Variants in WDPCP observed in about 807,000 individuals in gnomAD.
The protein encoded by WDPCP is WD repeat containing planar cell polarity effector.
Under a neutral mutation model 93.1 loss-of-function variants are expected in WDPCP, and 71 were observed. That is an observed-to-expected ratio of 0.76 (90% CI 0.63 to 0.93). The LOEUF is 0.93. Ranked by LOEUF, WDPCP falls within the 40% of genes least tolerant of loss-of-function variation. The pLI is 0.00. For missense variants in WDPCP, 844 were observed against 887.4 expected, an observed-to-expected ratio of 0.95 and a Z score of 0.62; for synonymous variants, 315 against 315.0, an observed-to-expected ratio of 1.00 and a Z score of 0.00.
At chr2:63,619,569 T>C (rs1709710089) in intron 3 of WDPCP, among the ~76,000 whole-genome samples, 1 of 152,206 alleles carries the variant, frequency 6.6e-6, no homozygotes, top group Admixed American at 6.5e-5. Flanking sequence ...TTTTACTAGA[T>C]TGTAAGCACC....
intron 12 of WDPCP, among the ~76,000 whole-genome samples, chr2:63,345,430 G>A (rs556438482): frequency 6.6e-6 from 1 of 152,292 alleles, no homozygotes; most frequent in African/African-American, 2.4e-5. Context: ...ACACAGATAG[G>A]CAAGTCTCAC....
At chr2:63,442,314 T>C (rs546672461) in intron 6 of WDPCP, 1 of 152,302 alleles carries the variant, frequency 6.6e-6, no homozygotes, top group South Asian at 2.1e-4. Context: ...GAGGATTAAA[T>C]AACTTTTTAC....
chr2:63,157,094 A>G (rs561545677), intron 15 of WDPCP, among the ~76,000 whole-genome samples: 54 of 149,732 alleles, frequency 3.6e-4, no homozygotes, highest in Non-Finnish European at 6.8e-4. Flanking sequence ...TTTGTCAGAC[A>G]TGCGTTTTGT....
intron 2 of WDPCP, among the ~76,000 whole-genome samples, chr2:63,800,771 G>A (rs1670683020): frequency 6.6e-6 from 1 of 152,176 alleles, no homozygotes; most frequent in African/African-American, 2.4e-5. Context: ...ATAGCAAACA[G>A]GCCAGGCATC....
At chr2:63,745,718 A>G (rs747612236) in intron 2 of WDPCP, among the ~76,000 whole-genome samples, 9 of 152,080 alleles carry the variant, frequency 5.9e-5, no homozygotes, top group Non-Finnish European at 1.2e-4. Context: ...CTTGACTAAT[A>G]TAGGGGCTAT....
chr2:63,599,358 A>ATCTTGTGGTTGTTCAACTTT, intron 3 of WDPCP: 1 of 1,510,068 alleles, frequency 6.6e-7, no homozygotes, highest in Non-Finnish European at 9.0e-7. Context: ...TCACTTTTAA[A>ATCTTGTGGTTGTTCAACTTT]ATAACTGAAT....
chr2:63,216,948 T>C (rs1677409468), intron 14 of WDPCP, among the ~76,000 whole-genome samples: 1 of 152,196 alleles, frequency 6.6e-6, no homozygotes, highest in Non-Finnish European at 1.5e-5. Flanking sequence ...CTTCCAATAA[T>C]TATTCTGGCA....
intron 17 of WDPCP, among the ~76,000 whole-genome samples, chr2:63,151,835 G>A (rs936427567): frequency 6.6e-6 from 1 of 152,106 alleles, no homozygotes; most frequent in Non-Finnish European, 1.5e-5. Context: ...TAAAAATCCC[G>A]TGGAGTGTGT....
intron 1 of WDPCP, among the ~76,000 whole-genome samples, chr2:63,559,573 A>C (rs34867367): frequency 6.6e-6 from 1 of 152,194 alleles, no homozygotes; most frequent in Non-Finnish European, 1.5e-5. Context: ...ACTTCTGCAA[A>C]GTTTCAAGAT....
chr2:63,691,911 T>C lies in WDPCP; in HGVS notation n.309-41073A>G, dbSNP rs538033257. On this transcript the variant is annotated intron_variant and non_coding_transcript_variant, in intron 2 of 4. Coordinates refer to the WDPCP transcript ENST00000467687. ...GTGTGTGTGTGTGTGTGTGTGTGTG[T>C]GTATTTTTCTATTCTATTAGCAGGA... 7.3e-5 allele frequency among the ~76,000 whole-genome samples: 11 copies of C among 151,338 alleles called. No individual in the cohort carries two copies. The South Asian group carries it at 2.1e-3, about 29-fold the overall frequency.
rs187548225 is a variant in WDPCP at position 63,224,215 on chromosome 2, T to C, written c.1915+35092A>G. Among the ~76,000 whole-genome samples, 4 of 152,154 alleles carry C rather than the reference T, an allele frequency of 2.6e-5. 1 individual carries two copies. Among genetic ancestry groups the C allele is most frequent in the Admixed American group, 2.0e-4 (3 of 15,244 alleles). On this transcript the variant is annotated intron_variant, in intron 14 of 17. Coordinates refer to ENST00000272321, the MANE Select transcript of WDPCP (RefSeq NM_015910.7). The stretch of plus-strand genomic sequence containing the variant: ...ACAAGGAGATATGACTACACACCTA[T>C]TGGGATGGCCAAAATCTAGCACACT...
At chr2:63,608,505 CAT>C (rs1709578364) in intron 3 of WDPCP, among the ~76,000 whole-genome samples, 2 of 152,244 alleles carry the variant, frequency 1.3e-5, no homozygotes, top group East Asian at 1.9e-4. Flanking sequence ...CCAGGCCTAA[CAT>C]AGTACTCTTC....
At chr2:63,239,036 T>C (rs141847525) in intron 14 of WDPCP, among the ~76,000 whole-genome samples, 21 of 152,310 alleles carry the variant, frequency 1.4e-4, no homozygotes, top group Non-Finnish European at 2.6e-4. Flanking sequence ...CATGAGGCCG[T>C]AGAATACAGC....
intron 1 of WDPCP, among the ~76,000 whole-genome samples, chr2:63,522,789 T>G (rs1703042871): frequency 6.6e-6 from 1 of 152,148 alleles, no homozygotes; most frequent in East Asian, 1.9e-4. Flanking sequence ...GAAAGACCAA[T>G]AAGTAGTTTC....
At chr2:63,355,669 C>T (rs1689965728) in intron 12 of WDPCP, among the ~76,000 whole-genome samples, 1 of 152,106 alleles carries the variant, frequency 6.6e-6, no homozygotes, top group Non-Finnish European at 1.5e-5. Context: ...CACTTGAGGT[C>T]AGGAATTCAA....
intron 13 of WDPCP, among the ~76,000 whole-genome samples, chr2:63,281,009 A>G (rs1040609314): frequency 1.3e-4 from 20 of 152,202 alleles, no homozygotes; most frequent in African/African-American, 4.8e-4. Flanking sequence ...GTTTTTCTGC[A>G]CTGGAAAAGA....
At chr2:63,590,477 T>C (rs372660414), upstream of WDPCP, 4 of 152,174 alleles carry the variant, frequency 2.6e-5, no homozygotes, top group African/African-American at 9.7e-5. Context: ...TTTTACTAGC[T>C]GAGATTCCGG....
chr2:63,802,424 T>C (rs187909079), intron 2 of WDPCP, among the ~76,000 whole-genome samples: 6 of 151,616 alleles, frequency 4.0e-5, no homozygotes, highest in South Asian at 2.1e-4. Flanking sequence ...CAAACACCAT[T>C]TACACTATTT....
intron 2 of WDPCP, among the ~76,000 whole-genome samples, chr2:63,742,153 G>A (rs1669726983): frequency 2.6e-5 from 4 of 151,900 alleles, no homozygotes; most frequent in Non-Finnish European, 4.4e-5. Context: ...ATCTCTAATA[G>A]TTCATCTTAT....
Sources: allele counts gnomAD v4.1 joint callset (sites outside exome capture counted in the v4.1 genomes callset), GRCh38; gene constraint gnomAD v4.1.1; transcripts MANE v1.5; gene names NCBI Gene and HGNC (gene_info 2026-07-23, HGNC 2026-07-21).